Variants in UGGT2 observed in about 807,000 individuals in gnomAD.
UGGT2 encodes the protein UDP-glucose glycoprotein glucosyltransferase 2, also known as UDP-glucose:glycoprotein glucosyltransferase 2.
In UGGT2, 180 loss-of-function variants were observed where a neutral mutation model predicts 192.1. The observed-to-expected ratio is 0.94, with a 90% CI of 0.83 to 1.06. UGGT2 has a LOEUF of 1.06. UGGT2 is among the 50% of genes least tolerant of loss of function. The pLI is 0.00. For synonymous variants in UGGT2, 580 were observed against 591.0 expected (o/e 0.98, Z 0.27); for missense variants, 1,849 against 1,795.7 (o/e 1.03, Z -0.54).
intron 2 of UGGT2, among the ~76,000 whole-genome samples, chr13:96,025,823 T>C (rs1424920184): frequency 1.3e-5 from 2 of 151,834 alleles, no homozygotes; most frequent in African/African-American, 4.8e-5. Flanking sequence ...AAGAAAATAA[T>C]ACTAGAAAAT....
At position 95,801,653 on chromosome 13, in the gene UGGT2, T is replaced by A. The variant is rs553791070; in HGVS notation, c.*137A>T. 2.6e-6 allele frequency: 2 copies of A among 776,070 alleles called. No homozygotes were observed. The highest frequency in any genetic ancestry group is 1.8e-5 in the African/African-American group (1 of 56,590). 48.1% of individuals were successfully genotyped at this position (776,070 alleles called of 1,614,324 possible). ...ACATTAAATAACTGTTTTAAATAAT[T>A]ACAATTTTTTAAAATTAAAGAATAT... On this transcript the variant is annotated 3_prime_UTR_variant, in exon 39 of 39. Coordinates refer to ENST00000376747, the MANE Select transcript of UGGT2 (RefSeq NM_020121.4).
intron 38 of UGGT2, among the ~76,000 whole-genome samples, chr13:95,806,513 C>T (rs1022108396): frequency 4.6e-5 from 7 of 152,014 alleles, no homozygotes; most frequent in Admixed American, 2.0e-4. Flanking sequence ...TGATGCAATC[C>T]CTATCAAAAC....
At chr13:95,882,498 T>C (rs2047523066) in intron 27 of UGGT2, among the ~76,000 whole-genome samples, 1 of 152,222 alleles carries the variant, frequency 6.6e-6, no homozygotes, top group Non-Finnish European at 1.5e-5. Flanking sequence ...GCCTTTGTTA[T>C]TTTTCCAGGA....
At chr13:95,844,430 CCA>C (rs1215807575) in intron 36 of UGGT2, among the ~76,000 whole-genome samples, 2 of 152,158 alleles carry the variant, frequency 1.3e-5, no homozygotes, top group Admixed American at 1.3e-4. Flanking sequence ...TTAACAATAT[CCA>C]GTCTTCCAAC....
At chr13:95,947,458 TTA>T (rs1338874405) in intron 14 of UGGT2, among the ~76,000 whole-genome samples, 10 of 122,914 alleles carry the variant, frequency 8.1e-5, no homozygotes, top group East Asian at 6.7e-4. Flanking sequence ...CTTTTTATTT[TTA>T]TTTTTTTTGA....
chr13:95,996,583 AT>A (rs1317955429), intron 6 of UGGT2, among the ~76,000 whole-genome samples: 2 of 152,100 alleles, frequency 1.3e-5, no homozygotes, highest in African/African-American at 4.8e-5. Context: ...ATTAATACAT[AT>A]ATATGCATGT....
intron 12 of UGGT2, among the ~76,000 whole-genome samples, chr13:95,954,745 T>C (rs2050164294): frequency 1.3e-5 from 2 of 152,300 alleles, no homozygotes; most frequent in South Asian, 4.1e-4. Flanking sequence ...TATGTCTCCC[T>C]AAAATGTATA....
chr13:95,998,707 T>C lies in UGGT2; in HGVS notation c.757+504A>G, dbSNP rs373464631. Reference sequence around the variant, plus strand: ...TTAGTTCATAAAATACAGATAGATATTGGTTAGTAGATCACAAATCTAATG... The same window carrying C: ...TTAGTTCATAAAATACAGATAGATACTGGTTAGTAGATCACAAATCTAATG... On this transcript the variant is annotated intron_variant, in intron 6 of 38. Transcript: ENST00000376747. Among the ~76,000 whole-genome samples, 18 of 152,296 alleles carry C rather than the reference T, an allele frequency of 1.2e-4. No homozygotes were observed. In the South Asian group the frequency reaches 2.5e-3, roughly 21 times the overall value.
rs574269643 is a variant in UGGT2 at position 95,865,267 on chromosome 13, T to C, written c.3559-1553A>G. On this transcript the variant is annotated intron_variant, in intron 30 of 38. Coordinates refer to ENST00000376747, the MANE Select transcript of UGGT2 (RefSeq NM_020121.4). ...ATGGGCTGATCCTCTATGTTGCTTA[T>C]CTTTTCTCCTCCCTGTTTTTCTATC... 2.6e-5 allele frequency among the ~76,000 whole-genome samples: 4 copies of C among 152,342 alleles called. No homozygotes were observed. The South Asian group carries it at 8.3e-4, about 32-fold the overall frequency.
chr13:95,888,543 CAG>C (rs1194766181), intron 25 of UGGT2, among the ~76,000 whole-genome samples: 1 of 152,032 alleles, frequency 6.6e-6, no homozygotes, highest in African/African-American at 2.4e-5. Context: ...AGTAACGAAA[CAG>C]ATATATGTAA....
chr13:95,947,640 G>A (rs192714841), intron 14 of UGGT2, among the ~76,000 whole-genome samples: 2 of 151,946 alleles, frequency 1.3e-5, no homozygotes, highest in Admixed American at 6.6e-5. Context: ...TAGTAGAGAC[G>A]GGGTTTCATC....
At chr13:95,904,541 C>T (rs368911002) in intron 20 of UGGT2, among the ~76,000 whole-genome samples, 4 of 145,734 alleles carry the variant, frequency 2.7e-5, no homozygotes, top group South Asian at 2.2e-4. Flanking sequence ...TGAGAATATG[C>T]GGTGTTTGGT....
At chr13:95,852,980 T>C (rs1293634739) in intron 36 of UGGT2, among the ~76,000 whole-genome samples, 2 of 152,170 alleles carry the variant, frequency 1.3e-5, no homozygotes, top group Non-Finnish European at 2.9e-5. Flanking sequence ...CCCCACCTGT[T>C]GTGGGAGGGA....
intron 38 of UGGT2, among the ~76,000 whole-genome samples, chr13:95,817,755 G>C (rs1274972422): frequency 6.6e-6 from 1 of 151,984 alleles, no homozygotes. Flanking sequence ...AACATTAGAA[G>C]CTTCATTAAA....
At chr13:95,991,283 C>G (rs2051449660) in intron 7 of UGGT2, 2 of 274,632 alleles carry the variant, frequency 7.3e-6, no homozygotes, top group African/African-American at 2.2e-5. Flanking sequence ...GGTTCTAGAT[C>G]CTTGAGGAAT....
At chr13:96,022,505 G>C (rs1020538815) in intron 4 of UGGT2, among the ~76,000 whole-genome samples, 1 of 151,394 alleles carries the variant, frequency 6.6e-6, no homozygotes, top group African/African-American at 2.4e-5. Context: ...CTGTTTAATA[G>C]AGCTCTTTCA....
chr13:96,019,789 T>C (rs1308028300), intron 4 of UGGT2, among the ~76,000 whole-genome samples: 1 of 152,146 alleles, frequency 6.6e-6, no homozygotes, highest in Admixed American at 6.5e-5. Context: ...GGGGTCAGAT[T>C]TTGTTCAGGG....
intron 17 of UGGT2, among the ~76,000 whole-genome samples, chr13:95,934,818 T>G (rs1020899154): frequency 6.6e-6 from 1 of 152,174 alleles, no homozygotes; most frequent in Non-Finnish European, 1.5e-5. Flanking sequence ...CTAAATTCTT[T>G]TTTATTTTTG....
At chr13:95,974,982 G>C (rs1308738972) in intron 10 of UGGT2, among the ~76,000 whole-genome samples, 1 of 152,110 alleles carries the variant, frequency 6.6e-6, no homozygotes, top group East Asian at 1.9e-4. Flanking sequence ...TCGGGAGGCT[G>C]AGGCAAGAGA....
Sources: gnomAD v4.1 joint callset for allele counts (sites outside exome capture counted in the v4.1 genomes callset) on GRCh38, gnomAD v4.1.1 for gene constraint, MANE v1.5 for transcripts, NCBI Gene and HGNC (gene_info 2026-07-23, HGNC 2026-07-21) for gene names.